RTTN: variants seen among roughly 807,000 people sequenced by gnomAD.
The protein encoded by RTTN is rotatin.
In RTTN, 182 loss-of-function variants were observed where a neutral mutation model predicts 269.2. That is an observed-to-expected ratio of 0.68 (90% confidence interval 0.60 to 0.76). RTTN has a LOEUF of 0.76. Ranked by LOEUF, RTTN falls within the 30% of genes least tolerant of loss-of-function variation. The pLI, the probability that RTTN is intolerant of heterozygous loss-of-function variation, is 0.00. For missense variants in RTTN, 2,545 were observed against 2,608.6 expected, an observed-to-expected ratio of 0.98 and a Z score of 0.53; for synonymous variants, 1,006 against 963.5, an observed-to-expected ratio of 1.04 and a Z score of -0.82.
In RTTN at chr18:70,070,252, T is replaced by C. The variant is rs551607014; in HGVS notation, c.4653+3654A>G. 2.0e-5 allele frequency among the ~76,000 whole-genome samples: 3 copies of C among 152,370 alleles called. No homozygotes were observed. The South Asian group carries it at 6.2e-4, about 32-fold the overall frequency. ...ACAAATTTCCAAGAGCTTGTCTCAC[T>C]TGTATTTTCCTCCTAACTAAATATA... On this transcript the variant is annotated intron_variant, in intron 34 of 48. Coordinates refer to ENST00000640769, the MANE Select transcript of RTTN (RefSeq NM_173630.4).
At chr18:70,151,776 T>C (rs2060544888) in intron 14 of RTTN, among the ~76,000 whole-genome samples, 1 of 152,168 alleles carries the variant, frequency 6.6e-6, no homozygotes. Context: ...TTGTCTTATT[T>C]TTCTCCAGCA....
At chr18:70,101,320 C>T (rs1424877223) in intron 28 of RTTN, among the ~76,000 whole-genome samples, 1 of 152,020 alleles carries the variant, frequency 6.6e-6, no homozygotes, top group Non-Finnish European at 1.5e-5. Context: ...TGTATGTGTC[C>T]AGAAATTTAT....
At chr18:70,103,369 T>C (rs1568384661) in intron 28 of RTTN, among the ~76,000 whole-genome samples, 1 of 152,074 alleles carries the variant, frequency 6.6e-6, no homozygotes, top group Non-Finnish European at 1.5e-5. Flanking sequence ...TGTGTCTGTG[T>C]AGAAAGAAGT....
chr18:70,051,268 T>C, intron 39 of RTTN, 143 bp downstream of exon 39: 1 of 969,250 alleles, frequency 1.0e-6, no homozygotes, highest in South Asian at 3.2e-5. Flanking sequence ...ACTGCAAATT[T>C]TTCAAAGCAA....
intron 46 of RTTN, among the ~76,000 whole-genome samples, chr18:70,011,808 T>C (rs865992665): frequency 1.3e-5 from 2 of 152,178 alleles, no homozygotes; most frequent in Non-Finnish European, 2.9e-5. Flanking sequence ...TCTGTGAGTG[T>C]AGCATCTGCT....
chr18:70,067,497 G>A (rs1164150385), intron 34 of RTTN, among the ~76,000 whole-genome samples: 1 of 152,132 alleles, frequency 6.6e-6, no homozygotes, highest in East Asian at 1.9e-4. Flanking sequence ...CCTACAATTT[G>A]GCAATGAGAG....
At chr18:70,020,591 T>C (rs758053467) in intron 45 of RTTN, 24 bp downstream of exon 45, 1 of 1,569,654 alleles carries the variant, frequency 6.4e-7, no homozygotes, top group East Asian at 2.2e-5. Flanking sequence ...CCTTTTAAGA[T>C]ATGTGGGGAG....
intron 27 of RTTN, among the ~76,000 whole-genome samples, chr18:70,112,789 C>G (rs1459387299): frequency 1.3e-5 from 2 of 151,904 alleles, no homozygotes; most frequent in African/African-American, 4.8e-5. Flanking sequence ...ATATTCAGGA[C>G]TTGAACTCAG....
At chr18:70,009,877 G>A (rs1309859086) in intron 46 of RTTN, among the ~76,000 whole-genome samples, 1 of 152,008 alleles carries the variant, frequency 6.6e-6, no homozygotes, top group Non-Finnish European at 1.5e-5. Context: ...TAAAGGGATG[G>A]AGGAAGATTT....
chr18:70,131,986 T>C (rs529248602), intron 23 of RTTN: 2 of 150,950 alleles, frequency 1.3e-5, no homozygotes, highest in African/African-American at 2.4e-5. Flanking sequence ...CAGCTAAAAC[T>C]ACAAGGATGG....
Position 70,048,136 on chromosome 18 carries a change from A to G in RTTN, c.5376T>C (p.Thr1792=). 1 of 1,614,170 alleles carries G rather than the reference A, an allele frequency of 6.2e-7. No individual in the cohort carries two copies. ...GAACAGAAAGGAATTGCAAGCTGGC[A>G]GTATACAGGGCAGGACACGTGGCAG... is the stretch of plus-strand genomic sequence containing the variant. The part of the protein sequence containing the change: ...GLSATCPALY[T]ASLQFLSVLL... Residue 1792 remains threonine (T), a synonymous_variant, in exon 40 of 49, where the codon ACT becomes ACC. Transcript: ENST00000640769.
intron 40 of RTTN, among the ~76,000 whole-genome samples, chr18:70,032,377 C>G (rs533403940): frequency 8.5e-5 from 13 of 152,200 alleles, no homozygotes. Context: ...CCAGTGGACA[C>G]GCACCAGCAT....
chr18:70,019,335 T>C (rs1599126485), intron 45 of RTTN: 2 of 152,292 alleles, frequency 1.3e-5, no homozygotes, highest in African/African-American at 2.4e-5. Flanking sequence ...ACATGCTCTA[T>C]AAGGAAGTGG....
intron 34 of RTTN, among the ~76,000 whole-genome samples, chr18:70,067,441 G>A (rs2058172288): frequency 6.6e-6 from 1 of 152,174 alleles, no homozygotes; most frequent in African/African-American, 2.4e-5. Flanking sequence ...TTACAGGCGT[G>A]AGCCACCGCG....
chr18:70,083,995 T>G (rs2145160402), intron 32 of RTTN, among the ~76,000 whole-genome samples: 1 of 152,150 alleles, frequency 6.6e-6, no homozygotes, highest in African/African-American at 2.4e-5. Context: ...GAAACTCAGC[T>G]ATAATATTAT....
At chr18:70,017,361 C>CA (rs1308438711) in intron 46 of RTTN, 46 bp downstream of exon 46, 1 of 1,549,710 alleles carries the variant, frequency 6.5e-7, no homozygotes, top group African/African-American at 1.4e-5. Flanking sequence ...CCTGAACAGT[C>CA]TATGAATAAC....
rs200125957 is a variant in RTTN at position 70,201,881 on chromosome 18, G to A, written c.487+13C>T. On this transcript the variant is annotated intron_variant, in intron 4 of 48. Coordinates refer to ENST00000640769, the MANE Select transcript of RTTN (RefSeq NM_173630.4). The stretch of plus-strand genomic sequence containing the variant: ...CCCAAGTCAACAGGATTTACTTCCC[G>A]ACATATACACACCCACTGGTCGTGG... 5.9e-5 allele frequency: 91 copies of A among 1,544,000 alleles called. No homozygotes were observed. In the African/African-American group the frequency reaches 8.8e-4, roughly 15 times the overall value.
At chr18:70,174,723 A>G (rs2061241774) in intron 11 of RTTN, among the ~76,000 whole-genome samples, 2 of 151,832 alleles carry the variant, frequency 1.3e-5, no homozygotes, top group African/African-American at 4.8e-5. Context: ...TAAAAAAAAA[A>G]AAAAGAGAAT....
Position 70,197,736 on chromosome 18 carries a change from G to A in RTTN, c.581C>T (p.Ser194Phe), listed in dbSNP as rs1176885119. Residue 194 changes from serine (S) to phenylalanine (F), a missense_variant and splice_region_variant, in exon 6 of 49, where the codon TCT becomes TTT. Physicochemically the swap from Ser to Phe is radical, Grantham distance 155 (BLOSUM62 -2). Coordinates refer to ENST00000640769, the MANE Select transcript of RTTN (RefSeq NM_173630.4). The stretch of plus-strand genomic sequence containing the variant: ...TAAAGTGTGGTTACTACTTCTTAAA[G>A]AGCTACAAAACATAGCGTTAATCAT... ...DRHVLSSNES[S>F]LRSSNHTLIW... The A allele has an allele frequency of 6.4e-7, 1 of 1,563,890 alleles. No homozygotes were observed. Among genetic ancestry groups the A allele is most frequent in the African/African-American group, 1.4e-5 (1 of 73,986 alleles).
Sources: gnomAD v4.1 joint callset for allele counts (sites outside exome capture counted in the v4.1 genomes callset) on GRCh38, gnomAD v4.1.1 for gene constraint, MANE v1.5 for transcripts, NCBI Gene and HGNC (gene_info 2026-07-23, HGNC 2026-07-21) for gene names.